The following C1QL1 variants were observed in gnomAD, a reference collection of about 807,000 sequenced individuals.
The protein encoded by C1QL1 is C1q-related factor.
Under a neutral mutation model 14.2 loss-of-function variants are expected in C1QL1, and 15 were observed. The ratio of observed to expected loss-of-function variants is 1.06; its 90% CI spans 0.71 to 1.62. C1QL1 has a LOEUF of 1.62. Among genes scored for constraint, C1QL1 ranks in the 40% most tolerant of loss-of-function variants. The pLI, the probability that C1QL1 is intolerant of heterozygous loss-of-function variation, is 0.00. For synonymous variants in C1QL1, 172 were observed against 172.4 expected (o/e 1.00, Z 0.02); for missense variants, 346 against 380.3 (o/e 0.91, Z 0.75).
At chr17:44,962,270 T>C (rs912674888) in intron 1 of C1QL1, among the ~76,000 whole-genome samples, 16 of 152,172 alleles carry the variant, frequency 1.1e-4, no homozygotes, top group Non-Finnish European at 2.4e-4. Flanking sequence ...AGGTCAGCTG[T>C]GCCAGAGCTG....
chr17:44,967,398 G>A lies in C1QL1; in HGVS notation c.597+54C>T. ...CTCCGATCAGGTACCCATTTGCCCC[G>A]GGCTCCCTGGGTGCCCTGGGCCCAG... On this transcript the variant is annotated intron_variant, in intron 1 of 1. Transcript: ENST00000253407. The surrounding 1 kb of genome is among the most constrained non-coding windows in gnomAD (Gnocchi z 7.0). 1.3e-6 allele frequency: 2 copies of A among 1,563,536 alleles called. No homozygotes were observed. Among genetic ancestry groups the A allele is most frequent in the Non-Finnish European group, 8.7e-7 (1 of 1,148,688 alleles).
Position 44,959,809 on chromosome 17 carries a change from A to C in C1QL1, c.*379T>G. The C allele has an allele frequency of 2.1e-5, 4 of 192,882 alleles. No individual in the cohort carries two copies. The highest frequency in any genetic ancestry group is 6.1e-5 in the Admixed American group (1 of 16,362). 11.9% of individuals were successfully genotyped at this position (192,882 alleles called of 1,614,324 possible). A position where few individuals can be genotyped will look rare whatever the true frequency, so the allele number is the denominator to read the frequency against. ...AACTCCCCCCTCCCCCGGGCGCGCC[A>C]CCCCGGAGGGAGCGGAGGGCAGCTC... On this transcript the variant is annotated 3_prime_UTR_variant, in exon 2 of 2. Transcript: ENST00000253407.
chr17:44,963,056 G>A (rs1019819915), intron 1 of C1QL1, among the ~76,000 whole-genome samples: 7 of 152,170 alleles, frequency 4.6e-5, no homozygotes, highest in African/African-American at 1.7e-4. Context: ...GAAGTGTGGG[G>A]AAATGAGGTT....
At chr17:44,964,510 C>T (rs1426242334) in intron 1 of C1QL1, among the ~76,000 whole-genome samples, 1 of 152,232 alleles carries the variant, frequency 6.6e-6, no homozygotes, top group Admixed American at 6.5e-5. Context: ...CCTACTGAAG[C>T]ACTCCCTCCC....
intron 1 of C1QL1, among the ~76,000 whole-genome samples, chr17:44,964,831 A>ATCTTTTCTTTTCTTT (rs55805613): frequency 1.1e-4 from 17 of 149,534 alleles, no homozygotes; most frequent in African/African-American, 3.7e-4. Flanking sequence ...TTTCGTTTTT[A>ATCTTTTCTTTTCTTT]TCTTTTCTTT....
intron 1 of C1QL1, among the ~76,000 whole-genome samples, chr17:44,962,497 T>C (rs192506080): frequency 6.6e-6 from 1 of 152,296 alleles, no homozygotes; most frequent in Admixed American, 6.5e-5. Flanking sequence ...TCAGTTTCTC[T>C]GTCTAGAAAA....
At chr17:44,964,158 G>A (rs1220323429) in intron 1 of C1QL1, among the ~76,000 whole-genome samples, 3 of 152,138 alleles carry the variant, frequency 2.0e-5, no homozygotes, top group East Asian at 1.9e-4. Flanking sequence ...TCCCCATCCC[G>A]AACTTGCCCG....
intron 1 of C1QL1, among the ~76,000 whole-genome samples, chr17:44,964,288 C>A (rs2052644514): frequency 6.6e-6 from 1 of 152,246 alleles, no homozygotes; most frequent in Admixed American, 6.5e-5. Flanking sequence ...GTTCTGAAGT[C>A]ACAAGAGATA....
intron 1 of C1QL1, among the ~76,000 whole-genome samples, chr17:44,964,904 G>A (rs2052649043): frequency 6.6e-6 from 1 of 151,722 alleles, no homozygotes; most frequent in Non-Finnish European, 1.5e-5. Flanking sequence ...ACAGTGGCGA[G>A]ATCTCACCTC....
chr17:44,962,052 A>G lies in C1QL1; in HGVS notation c.598-1685T>C, dbSNP rs182114840. Among the ~76,000 whole-genome samples the G allele has an allele frequency of 1.3e-3, 202 of 151,972 alleles. 1 individual carries two copies. Among genetic ancestry groups the G allele is most frequent in the African/African-American group, 4.6e-3 (191 of 41,294 alleles). ...TATCCTGGGTAGAGACATGGAAGAG[A>G]AGCGCCCTCTCCAGGACTGTGGCTT... On this transcript the variant is annotated intron_variant, in intron 1 of 1. Transcript: ENST00000253407.
chr17:44,960,499 C>T, intron 1 of C1QL1, 132 bp from the exon 2 acceptor site: 2 of 642,446 alleles, frequency 3.1e-6, no homozygotes, highest in Non-Finnish European at 5.5e-6. Context: ...ATCCCTGCCA[C>T]GCTCCCCCTC....
intron 1 of C1QL1, among the ~76,000 whole-genome samples, 200 bp from the exon 2 acceptor site, chr17:44,960,567 T>C (rs940678662): frequency 2.0e-5 from 3 of 152,144 alleles, no homozygotes; most frequent in African/African-American, 7.2e-5. Context: ...AGAGGATCCC[T>C]GGATTTCTAG....
At position 44,960,020 on chromosome 17, in the gene C1QL1, G is replaced by A. The variant is rs1213293202; in HGVS notation, c.*168C>T. On this transcript the variant is annotated 3_prime_UTR_variant, in exon 2 of 2. Coordinates refer to ENST00000253407, the MANE Select transcript of C1QL1 (RefSeq NM_006688.5). ...GCTGGGCCCGGCTCTGCAGCGAGCCGGTGGGAGGGCCTAGCTGTGGCCCAG... is the reference window on the plus strand; with the variant it reads ...GCTGGGCCCGGCTCTGCAGCGAGCCAGTGGGAGGGCCTAGCTGTGGCCCAG... The A allele has an allele frequency of 9.3e-6, 6 of 643,990 alleles. No individual in the cohort carries two copies. The highest frequency in any genetic ancestry group is 2.8e-5 in the East Asian group (1 of 36,076). 39.9% of individuals were successfully genotyped at this position (643,990 alleles called of 1,614,324 possible).
In C1QL1 at chr17:44,967,792, T is replaced by TCCCCGGGAGG. The variant is rs2052665940; in HGVS notation, c.247_256dup (p.Asp86AlafsTer19). On this transcript the variant is annotated frameshift_variant, in exon 1 of 2. Coordinates refer to ENST00000253407, the MANE Select transcript of C1QL1 (RefSeq NM_006688.5). LOFTEE classifies it high-confidence loss of function. This position sits in a 1 kb window ranked among gnomAD's most constrained non-coding sequence, Gnocchi z 7.0. ...CCCCACAGGGCCGGGAGGACCTGGGTCCCCGGGAGGCCCCGGAGGGCCGGG... is the reference window on the plus strand; with the variant it reads ...CCCCACAGGGCCGGGAGGACCTGGGTCCCCGGGAGGCCCCGGGAGGCCCCGGAGGGCCGGG... 1 of 1,467,310 alleles carries TCCCCGGGAGG rather than the reference T, an allele frequency of 6.8e-7. No individual in the cohort carries two copies. Among genetic ancestry groups the TCCCCGGGAGG allele is most frequent in the South Asian group, 1.4e-5 (1 of 73,344 alleles). The allele number at this position is 1,467,310 out of a possible 1,614,324, so 90.9% of individuals were successfully genotyped here.
intron 1 of C1QL1, among the ~76,000 whole-genome samples, chr17:44,963,980 C>T (rs1478434154): frequency 2.0e-5 from 3 of 152,180 alleles, no homozygotes; most frequent in African/African-American, 7.2e-5. Context: ...CTCACCACAC[C>T]CAGGGCCCCA....
chr17:44,965,687 G>A (rs1226229708), intron 1 of C1QL1, among the ~76,000 whole-genome samples: 2 of 152,148 alleles, frequency 1.3e-5, no homozygotes, highest in South Asian at 2.1e-4. Flanking sequence ...TAGCATCTCC[G>A]GGGCCTCTTG....
At chr17:44,966,300 C>T (rs1162889710) in intron 1 of C1QL1, among the ~76,000 whole-genome samples, 2 of 152,212 alleles carry the variant, frequency 1.3e-5, no homozygotes, top group Non-Finnish European at 2.9e-5. Flanking sequence ...ACTTGCAGAC[C>T]CGCAGGCTGG....
Position 44,960,171 on chromosome 17 carries a change from A to AGG in C1QL1, c.*15_*16dup. The AGG allele has an allele frequency of 6.2e-7, 1 of 1,611,342 alleles. No individual in the cohort carries two copies. Among genetic ancestry groups the AGG allele is most frequent in the Non-Finnish European group, 8.5e-7 (1 of 1,178,038 alleles). ...CCCGGCGGGTGAGGGACGTGGGTGG[A>AGG]GGGAGACGTGGGGAGCTCAGTCGGA... On this transcript the variant is annotated 3_prime_UTR_variant, in exon 2 of 2. Transcript: ENST00000253407.
At position 44,960,103 on chromosome 17, in the gene C1QL1, G is replaced by T; in HGVS notation, c.*85C>A. Reference sequence around the variant, plus strand: ...CCGGGGAGGGCCGGGCAGCGAGCGGGTGGGCGAGGGGCGAGTCATCGTCTG... The same window carrying T: ...CCGGGGAGGGCCGGGCAGCGAGCGGTTGGGCGAGGGGCGAGTCATCGTCTG... On this transcript the variant is annotated 3_prime_UTR_variant, in exon 2 of 2. Transcript: ENST00000253407. 1 of 1,252,326 alleles carries T rather than the reference G, an allele frequency of 8.0e-7. No homozygotes were observed. The highest frequency in any genetic ancestry group is 1.3e-5 in the South Asian group (1 of 76,676). 77.6% of individuals were successfully genotyped at this position (1,252,326 alleles called of 1,614,324 possible).
Sources: gnomAD v4.1 joint callset for allele counts (sites outside exome capture counted in the v4.1 genomes callset) on GRCh38, gnomAD v4.1.1 for gene constraint, Gnocchi (gnomAD v3.1) non-coding constraint, MANE v1.5 for transcripts, NCBI Gene and HGNC (gene_info 2026-07-23, HGNC 2026-07-21) for gene names.